Variants in CNTN6 observed in about 807,000 individuals in gnomAD.
The protein encoded by CNTN6 is contactin-6.
CNTN6 carries 137 observed loss-of-function variants against 122.8 expected under a neutral mutation model. The observed-to-expected ratio is 1.12, with a 90% CI of 0.97 to 1.29. The LOEUF (loss-of-function observed/expected upper bound fraction) is 1.29. Among genes scored for constraint, CNTN6 ranks in the 50% most tolerant of loss-of-function variants. CNTN6 has a pLI of 0.00. For missense variants in CNTN6, 1,634 were observed against 1,223.4 expected, an observed-to-expected ratio of 1.34 and a Z score of -5.01; for synonymous variants, 570 against 426.0, an observed-to-expected ratio of 1.34 and a Z score of -4.16.
chr3:1,204,143 TTTATG>T (rs2093924597), intron 2 of CNTN6, among the ~76,000 whole-genome samples: 1 of 152,216 alleles, frequency 6.6e-6, no homozygotes, highest in South Asian at 2.1e-4. Context: ...TTTCCAAATG[TTTATG>T]TTATTAGTAT....
chr3:1,268,340 G>A (rs1200356109), intron 4 of CNTN6, among the ~76,000 whole-genome samples: 4 of 152,166 alleles, frequency 2.6e-5, no homozygotes, highest in African/African-American at 9.7e-5. Flanking sequence ...GGGCGCGGTG[G>A]CTCACGCTTG....
chr3:1,276,570 C>T (rs1316271883), intron 4 of CNTN6, among the ~76,000 whole-genome samples: 1 of 152,156 alleles, frequency 6.6e-6, no homozygotes, highest in Non-Finnish European at 1.5e-5. Context: ...ACAACACTGG[C>T]TTCTATTCAG....
At chr3:1,252,267 G>C (rs1051490680) in intron 4 of CNTN6, among the ~76,000 whole-genome samples, 2 of 152,074 alleles carry the variant, frequency 1.3e-5, no homozygotes, top group Non-Finnish European at 2.9e-5. Flanking sequence ...CCTTTTCATT[G>C]TGCTGTTCTC....
rs557365760 is a variant in CNTN6, at chr3:1,390,439, A to G, written c.2704+4642A>G. Among the ~76,000 whole-genome samples, 6 of 151,640 alleles carry G rather than the reference A, an allele frequency of 4.0e-5. No homozygotes were observed. The South Asian group carries it at 6.2e-4, about 16-fold the overall frequency. ...TGTAGAGGGAAATTTATAGCACTAA[A>G]TGCCCACAAGAGAAAGCAGGAAAGA... is the stretch of plus-strand genomic sequence containing the variant. On this transcript the variant is annotated intron_variant, in intron 20 of 22. Coordinates refer to ENST00000446702, the MANE Select transcript of CNTN6 (RefSeq NM_001289080.2).
intron 3 of CNTN6, 99 bp from the exon 4 acceptor site, chr3:1,227,719 T>G: frequency 7.9e-7 from 1 of 1,265,580 alleles, no homozygotes; most frequent in African/African-American, 1.5e-5. Context: ...TGTTTTTTGG[T>G]GTTTTTTATA....
intron 12 of CNTN6, among the ~76,000 whole-genome samples, chr3:1,368,250 T>C (rs1022814398): frequency 4.6e-5 from 7 of 152,222 alleles, no homozygotes; most frequent in Non-Finnish European, 8.8e-5. Flanking sequence ...CAATTTCTTG[T>C]ACAACCTCCA....
intron 2 of CNTN6, among the ~76,000 whole-genome samples, chr3:1,215,114 T>C (rs1415510556): frequency 1.3e-5 from 2 of 152,238 alleles, no homozygotes; most frequent in African/African-American, 2.4e-5. Context: ...AAGCTTCCTC[T>C]TGATGTTCTT....
chr3:1,197,482 T>C (rs979559320), intron 2 of CNTN6, among the ~76,000 whole-genome samples: 1 of 152,192 alleles, frequency 6.6e-6, no homozygotes, highest in Non-Finnish European at 1.5e-5. Flanking sequence ...CATTTTTATC[T>C]CCAAGTCAAT....
intron 11 of CNTN6, among the ~76,000 whole-genome samples, chr3:1,351,091 A>C (rs1441898808): frequency 6.6e-6 from 1 of 151,870 alleles, no homozygotes; most frequent in African/African-American, 2.4e-5. Flanking sequence ...TTCTAAATTC[A>C]GATGTGGCTC....
chr3:1,328,432 C>G (rs572485000), intron 10 of CNTN6, among the ~76,000 whole-genome samples: 1 of 151,840 alleles, frequency 6.6e-6, no homozygotes, highest in South Asian at 2.1e-4. Flanking sequence ...GTTTTATGAG[C>G]TTATGGGTGA....
At position 1,295,641 on chromosome 3, in the gene CNTN6, C is replaced by G; in HGVS notation, c.495C>G (p.Tyr165Ter). The G allele has an allele frequency of 3.7e-6, 6 of 1,613,778 alleles. No homozygotes were observed. The highest frequency in any genetic ancestry group is 5.1e-6 in the Non-Finnish European group (6 of 1,179,826). Residue 165 changes from tyrosine to a stop codon, truncating the protein, a stop_gained, in exon 6 of 23, where the codon TAC (tyrosine) becomes TAG (stop). Coordinates refer to ENST00000446702, the MANE Select transcript of CNTN6 (RefSeq NM_001289080.2). LOFTEE classifies it high-confidence loss of function. ...YAWTFNDNPLYVQEDNRRFVS... is the reference protein window; with the variant it reads ...YAWTFNDNPL ...GGACCTTCAATGATAACCCCTTATA[C>G]GTCCAAGAGGACAATAGGCGATTTG...
chr3:1,158,348 T>C (rs989710233), intron 2 of CNTN6, among the ~76,000 whole-genome samples: 1 of 152,228 alleles, frequency 6.6e-6, no homozygotes, highest in Non-Finnish European at 1.5e-5. Flanking sequence ...GAAATAGCTA[T>C]TCAAATCATT....
At chr3:1,240,405 C>A (rs1451317391) in intron 4 of CNTN6, among the ~76,000 whole-genome samples, 2 of 152,112 alleles carry the variant, frequency 1.3e-5, no homozygotes, top group African/African-American at 2.4e-5. Context: ...AAATGGCAAG[C>A]AAGCACAAAT....
chr3:1,212,307 G>C (rs2094052777), intron 2 of CNTN6, among the ~76,000 whole-genome samples: 1 of 129,456 alleles, frequency 7.7e-6, no homozygotes, highest in African/African-American at 3.0e-5. Flanking sequence ...CAAGCAATCT[G>C]CCCGTCTTGG....
At chr3:1,275,211 G>C (rs1692118315) in intron 4 of CNTN6, among the ~76,000 whole-genome samples, 1 of 152,014 alleles carries the variant, frequency 6.6e-6, no homozygotes, top group South Asian at 2.1e-4. Context: ...TTTCAGCATA[G>C]TGGCCTCACC....
intron 5 of CNTN6, among the ~76,000 whole-genome samples, chr3:1,289,484 C>T (rs530538869): frequency 2.2e-4 from 33 of 152,214 alleles, no homozygotes; most frequent in African/African-American, 7.7e-4. Context: ...TGGCAAGTCT[C>T]GCAAATCCTT....
chr3:1,388,275 C>T (rs1693452579), intron 20 of CNTN6, among the ~76,000 whole-genome samples: 2 of 148,756 alleles, frequency 1.3e-5, no homozygotes, highest in Non-Finnish European at 3.0e-5. Flanking sequence ...AGCAGCCTAA[C>T]TGGGAGGCAC....
chr3:1,265,348 G>A (rs1221631817), intron 4 of CNTN6, among the ~76,000 whole-genome samples: 2 of 152,132 alleles, frequency 1.3e-5, no homozygotes, highest in Non-Finnish European at 2.9e-5. Flanking sequence ...GGTAATTCCA[G>A]TGTAACCCAA....
rs74766373 is a variant in CNTN6 at position 1,097,756 on chromosome 3, G to A, written c.-83+4636G>A. On this transcript the variant is annotated intron_variant, in intron 1 of 22. Coordinates refer to ENST00000446702, the MANE Select transcript of CNTN6 (RefSeq NM_001289080.2). ...GTAAAAAATCTTGGAAGAAAGCCTG[G>A]CAATTAAGAAGCACTCTATGTGTTA... is the stretch of plus-strand genomic sequence containing the variant. Among the ~76,000 whole-genome samples, 506 of 152,152 alleles carry A rather than the reference G, an allele frequency of 3.3e-3. 2 individuals carry two copies. The highest frequency in any genetic ancestry group is 0.011 in the African/African-American group (462 of 41,484).
Sources: allele counts gnomAD v4.1 joint callset (sites outside exome capture counted in the v4.1 genomes callset), GRCh38; gene constraint gnomAD v4.1.1; transcripts MANE v1.5; gene names NCBI Gene and HGNC (gene_info 2026-07-23, HGNC 2026-07-21).